URM1: variants seen among roughly 807,000 people sequenced by gnomAD.
URM1 encodes the protein ubiquitin related modifier 1, also known as ubiquitin-related modifier 1.
URM1 carries 11 observed loss-of-function variants against 17.7 expected under a neutral mutation model. The ratio of observed to expected loss-of-function variants is 0.62; its 90% CI spans 0.39 to 1.03. The LOEUF (loss-of-function observed/expected upper bound fraction) is 1.03. Among genes scored for constraint, URM1 ranks in the 50% least tolerant of loss-of-function variants. The pLI is 0.00. For synonymous variants in URM1, 48 were observed against 50.6 expected (o/e 0.95, Z 0.22); for missense variants, 128 against 129.2 (o/e 0.99, Z 0.04).
rs531885693 is a variant in URM1 at position 128,384,169 on chromosome 9, G to A, written c.107-3647G>A. Among the ~76,000 whole-genome samples the A allele has an allele frequency of 3.3e-5, 5 of 152,194 alleles. No individual in the cohort carries two copies. The South Asian group carries it at 6.2e-4, about 19-fold the overall frequency. ...AGCTAAGGCCATCGAGCACACAGCC[G>A]AGGTCCTCTGGCTGTAGACTCAGAA... is the stretch of plus-strand genomic sequence containing the variant. On this transcript the variant is annotated intron_variant, in intron 2 of 4. Transcript: ENST00000372853.
At chr9:128,381,900 T>G (rs757380886) in intron 2 of URM1, among the ~76,000 whole-genome samples, 1 of 152,196 alleles carries the variant, frequency 6.6e-6, no homozygotes, top group Non-Finnish European at 1.5e-5. Flanking sequence ...CATTTTCCAG[T>G]TTTTACGCTT....
At chr9:128,373,993 A>G (rs747676835) in intron 1 of URM1, among the ~76,000 whole-genome samples, 5 of 152,264 alleles carry the variant, frequency 3.3e-5, no homozygotes, top group African/African-American at 7.2e-5. Context: ...GAGAATATCT[A>G]TACCTGTCAC....
At chr9:128,379,804 AAAAATAAAAT>A (rs138951085) in intron 2 of URM1, among the ~76,000 whole-genome samples, 1 of 151,220 alleles carries the variant, frequency 6.6e-6, no homozygotes, top group Non-Finnish European at 1.5e-5. Context: ...CATCTCAAAA[AAAAATAAAAT>A]AAAATAAAAT....
At chr9:128,389,466 G>A in intron 4 of URM1, 157 bp downstream of exon 4, 1 of 1,567,998 alleles carries the variant, frequency 6.4e-7, no homozygotes, top group East Asian at 2.4e-5. Context: ...CACTCCAGGT[G>A]AGGAAGGGAT....
chr9:128,387,488 A>AG lies in URM1; in HGVS notation c.107-324dup, dbSNP rs1249923676. ...AGACTGGCTTCCAGGACTTGTGGGT[A>AG]GGGGCCTGTCTCCTAACCCTTTAGA... On this transcript the variant is annotated intron_variant, in intron 2 of 4. Transcript: ENST00000372853. The surrounding 1 kb of genome is among the most constrained non-coding windows in gnomAD (Gnocchi z 4.3). 6.6e-6 allele frequency among the ~76,000 whole-genome samples: 1 copy of AG among 152,158 alleles called. No individual in the cohort carries two copies. The highest frequency in any genetic ancestry group is 1.5e-5 in the Non-Finnish European group (1 of 68,028).
At position 128,389,804 on chromosome 9, in the gene URM1, C is replaced by T. The variant is rs1033978449; in HGVS notation, c.*70C>T. 6.3e-6 allele frequency: 10 copies of T among 1,596,976 alleles called. No homozygotes were observed. Among genetic ancestry groups the T allele is most frequent in the Non-Finnish European group, 8.6e-6 (10 of 1,169,062 alleles). ...CAATCAGACATCCCCTTGGGCCCTG[C>T]TTCCAGGTCTCCCTGTCCCCCTTGC... On this transcript the variant is annotated 3_prime_UTR_variant, in exon 5 of 5. Transcript: ENST00000372853.
intron 1 of URM1, among the ~76,000 whole-genome samples, chr9:128,371,666 G>A (rs1197179916): frequency 6.6e-6 from 1 of 152,188 alleles, no homozygotes; most frequent in African/African-American, 2.4e-5. Flanking sequence ...GTGCTCCGCC[G>A]GAGTCGGAGG....
At chr9:128,389,183 AAGCTCTC>A in intron 3 of URM1, 71 bp from the exon 4 acceptor site, 2 of 1,523,354 alleles carry the variant, frequency 1.3e-6, no homozygotes, top group Admixed American at 2.0e-5. Context: ...CTGCAGCCCA[AAGCTCTC>A]AGCCTCTCTT....
At position 128,379,804 on chromosome 9, in the gene URM1, A is replaced by AAAAATAAAAT. The variant is rs138951085; in HGVS notation, c.106+1717_106+1726dup. ...AACAGAGCGAGACTCCATCTCAAAA[A>AAAAATAAAAT]AAAATAAAATAAAATAAAATAAAAT... On this transcript the variant is annotated intron_variant, in intron 2 of 4. Coordinates refer to ENST00000372853, the MANE Select transcript of URM1 (RefSeq NM_030914.4). 2.2e-4 allele frequency among the ~76,000 whole-genome samples: 33 copies of AAAAATAAAAT among 151,220 alleles called. 1 individual carries two copies. In the East Asian group the frequency reaches 3.7e-3, roughly 17 times the overall value.
intron 1 of URM1, 87 bp from the exon 2 acceptor site, chr9:128,377,949 G>T: frequency 1.4e-6 from 2 of 1,420,756 alleles, no homozygotes; most frequent in Non-Finnish European, 2.0e-6. Flanking sequence ...TTCATTACCA[G>T]CCCTATCCTC....
intron 1 of URM1, among the ~76,000 whole-genome samples, chr9:128,375,570 T>G (rs1833065330): frequency 6.6e-6 from 1 of 152,098 alleles, no homozygotes; most frequent in Admixed American, 6.6e-5. Flanking sequence ...TAAATTATTA[T>G]TAGTTTTGAG....
intron 2 of URM1, among the ~76,000 whole-genome samples, chr9:128,380,817 T>G (rs1344208461): frequency 6.6e-6 from 1 of 151,634 alleles, no homozygotes; most frequent in African/African-American, 2.4e-5. Flanking sequence ...TGTATGTTTT[T>G]TTTTGTTTGT....
chr9:128,381,983 C>A (rs1442391243), intron 2 of URM1, among the ~76,000 whole-genome samples: 1 of 152,196 alleles, frequency 6.6e-6, no homozygotes. Context: ...AGATAAGAGA[C>A]CCCTAAAAGA....
At chr9:128,381,114 G>A (rs939507771) in intron 2 of URM1, among the ~76,000 whole-genome samples, 2 of 151,990 alleles carry the variant, frequency 1.3e-5, no homozygotes, top group Non-Finnish European at 2.9e-5. Flanking sequence ...GTGAGCCACC[G>A]CGCCCAGCCC....
chr9:128,376,255 T>TG (rs1262800607), intron 1 of URM1, among the ~76,000 whole-genome samples: 1 of 151,200 alleles, frequency 6.6e-6, no homozygotes, highest in Non-Finnish European at 1.5e-5. Context: ...CCCAGCTACC[T>TG]GGGGGCTGAT....
At chr9:128,386,565 G>A (rs1407835712) in intron 2 of URM1, among the ~76,000 whole-genome samples, 2 of 152,256 alleles carry the variant, frequency 1.3e-5, no homozygotes, top group Non-Finnish European at 2.9e-5. Context: ...CAGGCTGCAG[G>A]CCTGTCAGAG....
chr9:128,388,725 C>T (rs1052086940), intron 3 of URM1: 21 of 986,824 alleles, frequency 2.1e-5, no homozygotes, highest in Non-Finnish European at 2.2e-5. Context: ...CAGGACTGCA[C>T]GTGAGCATTG....
Position 128,388,478 on chromosome 9 carries a change from G to A in URM1, c.188+581G>A, listed in dbSNP as rs540800814. 26 of 986,096 alleles carry A rather than the reference G, an allele frequency of 2.6e-5. 1 individual carries two copies. In the South Asian group the frequency reaches 1.1e-3, roughly 41 times the overall value. The allele number at this position is 986,096 out of a possible 1,614,324, so 61.1% of individuals were successfully genotyped here. On this transcript the variant is annotated intron_variant, in intron 3 of 4. Coordinates refer to ENST00000372853, the MANE Select transcript of URM1 (RefSeq NM_030914.4). ...GCCACGAAGTTACTTCTAAAACAAG[G>A]CCAGTCCCCCACGTGAAAGGTGGCC...
At chr9:128,374,529 C>T (rs886494097) in intron 1 of URM1, among the ~76,000 whole-genome samples, 2 of 151,760 alleles carry the variant, frequency 1.3e-5, no homozygotes, top group African/African-American at 4.8e-5. Context: ...TGCAGGCTTG[C>T]AGCTGAAATG....
Sources: allele counts gnomAD v4.1 joint callset (sites outside exome capture counted in the v4.1 genomes callset), GRCh38; gene constraint gnomAD v4.1.1; non-coding constraint Gnocchi (gnomAD v3.1); transcripts MANE v1.5; gene names NCBI Gene and HGNC (gene_info 2026-07-23, HGNC 2026-07-21).